The following NEBL variants were observed in gnomAD, a reference collection of about 807,000 sequenced individuals.
The protein encoded by NEBL is nebulette, also known as LIM and SH3 protein 2.
A neutral mutation model predicts 140.2 loss-of-function variants in NEBL; 122 were observed. That is an observed-to-expected ratio of 0.87 (90% CI 0.75 to 1.01). NEBL has a LOEUF of 1.01. Ranked by LOEUF, NEBL falls within the 50% of genes least tolerant of loss-of-function variation. NEBL has a pLI of 0.00. For synonymous variants in NEBL, 436 were observed against 398.9 expected (o/e 1.09, Z -1.11); for missense variants, 1,365 against 1,231.3 (o/e 1.11, Z -1.62).
chr10:20,910,299 C>A (rs747798265), intron 4 of NEBL, among the ~76,000 whole-genome samples: 3 of 152,128 alleles, frequency 2.0e-5, no homozygotes, highest in Admixed American at 6.6e-5. Context: ...TATTTATCTG[C>A]CATGATTTGA....
intron 2 of NEBL, among the ~76,000 whole-genome samples, chr10:21,121,001 CT>C (rs1231291795): frequency 6.6e-6 from 1 of 152,160 alleles, no homozygotes; most frequent in African/African-American, 2.4e-5. Context: ...TATACAATAA[CT>C]TCTGACTTCC....
intron 2 of NEBL, among the ~76,000 whole-genome samples, chr10:21,131,465 T>C (rs1839101123): frequency 6.6e-6 from 1 of 152,108 alleles, no homozygotes; most frequent in African/African-American, 2.4e-5. Context: ...TGAGTCTCAG[T>C]GGGCCTGTAC....
chr10:20,826,802 T>C (rs929344067), intron 17 of NEBL, among the ~76,000 whole-genome samples: 1 of 152,192 alleles, frequency 6.6e-6, no homozygotes, highest in Non-Finnish European at 1.5e-5. Flanking sequence ...TTATTTGCTT[T>C]AAGAATACAC....
At chr10:20,839,539 C>T (rs886569921) in intron 13 of NEBL, among the ~76,000 whole-genome samples, 5 of 152,218 alleles carry the variant, frequency 3.3e-5, no homozygotes, top group African/African-American at 9.6e-5. Context: ...TCCCTAGTCC[C>T]CACATATATT....
At chr10:21,072,652 C>T (rs1380334089) in intron 2 of NEBL, among the ~76,000 whole-genome samples, 3 of 152,238 alleles carry the variant, frequency 2.0e-5, no homozygotes, top group African/African-American at 4.8e-5. Context: ...CAGCTCAGGG[C>T]TCAGTTGTTG....
At chr10:20,979,351 A>G (rs1009273265) in intron 3 of NEBL, among the ~76,000 whole-genome samples, 5 of 152,238 alleles carry the variant, frequency 3.3e-5, no homozygotes, top group African/African-American at 9.6e-5. Context: ...ACCTGGAAAA[A>G]TGTACACCAA....
chr10:21,005,398 T>C (rs972550571), intron 3 of NEBL, among the ~76,000 whole-genome samples: 2 of 152,190 alleles, frequency 1.3e-5, no homozygotes, highest in Admixed American at 6.5e-5. Flanking sequence ...TGTGAAGAAG[T>C]AAAACAGTAA....
intron 26 of NEBL, chr10:20,804,390 G>A (rs75393811): frequency 0.055 from 8,349 of 152,232 alleles, 335 homozygotes; most frequent in Admixed American, 0.098. Context: ...TTCTTGATAA[G>A]TGGATCATTT....
intron 3 of NEBL, among the ~76,000 whole-genome samples, chr10:21,013,988 T>A (rs1283999478): frequency 6.6e-6 from 1 of 152,164 alleles, no homozygotes; most frequent in African/African-American, 2.4e-5. Flanking sequence ...CAGACTGTTC[T>A]AAGATTTTAT....
At chr10:20,871,593 T>C (rs938329177) in intron 5 of NEBL, among the ~76,000 whole-genome samples, 4 of 152,216 alleles carry the variant, frequency 2.6e-5, no homozygotes, top group Non-Finnish European at 1.5e-5. Flanking sequence ...CCACCAAGAC[T>C]ATTTTTTAAA....
chr10:21,164,529 A>T (rs1284671901), intron 2 of NEBL, among the ~76,000 whole-genome samples: 1 of 152,226 alleles, frequency 6.6e-6, no homozygotes, highest in Non-Finnish European at 1.5e-5. Context: ...TTGAGGAGAG[A>T]TCTGCTGAGC....
intron 3 of NEBL, among the ~76,000 whole-genome samples, chr10:21,188,454 ATT>A (rs1841513338): frequency 6.6e-6 from 1 of 152,174 alleles, no homozygotes; most frequent in Non-Finnish European, 1.5e-5. Flanking sequence ...GGGAATTTAT[ATT>A]TCCTATACTA....
chr10:20,848,248 T>C (rs1842138898), intron 11 of NEBL, among the ~76,000 whole-genome samples: 3 of 152,244 alleles, frequency 2.0e-5, no homozygotes, highest in Admixed American at 2.0e-4. Flanking sequence ...ATATACTTTA[T>C]ACAGTGTTTA....
chr10:20,990,794 A>C (rs907219801), intron 3 of NEBL, among the ~76,000 whole-genome samples: 6 of 152,194 alleles, frequency 3.9e-5, no homozygotes, highest in African/African-American at 1.4e-4. Context: ...CTTCAGCCAG[A>C]AAGAATGCTT....
At chr10:20,808,765 T>C in intron 25 of NEBL, 106 bp from the exon 26 acceptor site, 1 of 1,246,762 alleles carries the variant, frequency 8.0e-7, no homozygotes, top group Non-Finnish European at 1.2e-6. Context: ...CATCTCTTAG[T>C]AAAGAATAAC....
chr10:21,054,903 A>AT (rs1192676798), intron 2 of NEBL, among the ~76,000 whole-genome samples: 1 of 152,218 alleles, frequency 6.6e-6, no homozygotes, highest in Admixed American at 6.5e-5. Context: ...ATAAGTGCTA[A>AT]TATAAACACA....
At chr10:21,093,477 G>T (rs149872097) in intron 2 of NEBL, among the ~76,000 whole-genome samples, 2 of 151,922 alleles carry the variant, frequency 1.3e-5, no homozygotes, top group African/African-American at 4.8e-5. Context: ...TCCCTCCATC[G>T]GCACTGAAAA....
chr10:21,187,508 T>TTTATTA (rs200818307), intron 3 of NEBL, among the ~76,000 whole-genome samples: 1 of 150,110 alleles, frequency 6.7e-6, no homozygotes, highest in East Asian at 1.9e-4. Flanking sequence ...ACTATTATTA[T>TTTATTA]TTATTATTAT....
intron 2 of NEBL, chr10:21,172,317 G>T (rs918440187): frequency 8.0e-7 from 1 of 1,255,636 alleles, no homozygotes; most frequent in Non-Finnish European, 1.2e-6. Context: ...TTCAAAACAG[G>T]CAGGTCCACT....
Sources: allele counts gnomAD v4.1 joint callset (sites outside exome capture counted in the v4.1 genomes callset), GRCh38; gene constraint gnomAD v4.1.1; transcripts MANE v1.5; gene names NCBI Gene and HGNC (gene_info 2026-07-23, HGNC 2026-07-21).